Variants in CIAO1 observed in about 807,000 individuals in gnomAD.
CIAO1 encodes the protein cytosolic iron-sulfur assembly component 1, also known as probable cytosolic iron-sulfur protein assembly protein CIAO1.
Under a neutral mutation model 43.1 loss-of-function variants are expected in CIAO1, and 32 were observed. That is an observed-to-expected ratio of 0.74 (90% CI 0.56 to 1.00). The LOEUF (loss-of-function observed/expected upper bound fraction) is 1.00, where lower values mean the gene tolerates loss of function less well. Ranked by LOEUF, CIAO1 falls within the 50% of genes least tolerant of loss-of-function variation. CIAO1 has a pLI of 0.00. For synonymous variants in CIAO1, 183 were observed against 171.4 expected, an observed-to-expected ratio of 1.07 and a Z score of -0.53; for missense variants, 415 against 437.4, an observed-to-expected ratio of 0.95 and a Z score of 0.46.
rs891631677 is a variant in CIAO1, at chr2:96,271,226, C to T, written c.895C>T (p.His299Tyr). ...QPTFSLTAHL[H>Y]QAHSQDVNCV... is the part of the protein sequence containing the mutation. The stretch of plus-strand genomic sequence containing the variant: ...CACCTTCTCCCTGACAGCCCACTTG[C>T]ATCAGGCCCATTCCCAGGATGTCAA... The change falls in exon 7 of 7, where the codon CAT (histidine) becomes TAT (tyrosine). Residue 299 changes from histidine (H) to tyrosine (Y), a missense_variant. Coordinates refer to ENST00000488633, the MANE Select transcript of CIAO1 (RefSeq NM_004804.3). 2 of 1,614,274 alleles carry T rather than the reference C, an allele frequency of 1.2e-6. No homozygotes were observed. The highest frequency in any genetic ancestry group is 2.7e-5 in the African/African-American group (2 of 75,082).
chr2:96,269,073 T>A, intron 5 of CIAO1, 195 bp from the exon 6 acceptor site: 2 of 618,134 alleles, frequency 3.2e-6, no homozygotes, highest in Non-Finnish European at 5.8e-6. Flanking sequence ...AGAACAGGGA[T>A]GTTTCCTCGG....
At chr2:96,270,925 C>T (rs1021749419) in intron 6 of CIAO1, among the ~76,000 whole-genome samples, 186 bp from the exon 7 acceptor site, 1 of 151,488 alleles carries the variant, frequency 6.6e-6, no homozygotes, top group Non-Finnish European at 1.5e-5. Flanking sequence ...GGGGAAAGAA[C>T]TAGATTGCAG....
At chr2:96,268,427 A>C (rs367966046) in intron 4 of CIAO1, 30 bp from the exon 5 acceptor site, 6 of 1,601,524 alleles carry the variant, frequency 3.7e-6, no homozygotes, top group Non-Finnish European at 5.1e-6. Flanking sequence ...ACACAGACAC[A>C]TGTTGGGTTT....
chr2:96,267,134 C>CAA (rs1183454827), intron 1 of CIAO1, among the ~76,000 whole-genome samples, 187 bp from the exon 2 acceptor site: 794 of 36,730 alleles, frequency 0.022, 91 homozygotes, highest in South Asian at 0.05. Flanking sequence ...AACTCCGTCT[C>CAA]AAAAAAAAAA....
chr2:96,268,369 A>G, intron 4 of CIAO1, 88 bp from the exon 5 acceptor site: 2 of 1,097,760 alleles, frequency 1.8e-6, no homozygotes, highest in Non-Finnish European at 1.4e-6. Flanking sequence ...TAATAAAATA[A>G]AATAAAAGCA....
intron 6 of CIAO1, among the ~76,000 whole-genome samples, 161 bp downstream of exon 6, chr2:96,269,516 C>A (rs552609486): frequency 4.1e-4 from 63 of 152,326 alleles, no homozygotes; most frequent in African/African-American, 1.5e-3. Context: ...TGGTTTACAG[C>A]TGGCTGGGCT....
At chr2:96,268,018 C>A in intron 4 of CIAO1, 94 bp downstream of exon 4, 4 of 1,017,936 alleles carry the variant, frequency 3.9e-6, no homozygotes, top group Non-Finnish European at 6.1e-6. Context: ...CTAGCTTTTA[C>A]GGAGAGTTCC....
At chr2:96,267,267 T>C in intron 1 of CIAO1, 54 bp from the exon 2 acceptor site, 3 of 1,545,196 alleles carry the variant, frequency 1.9e-6, no homozygotes, top group Non-Finnish European at 2.6e-6. Context: ...TGATATTGAA[T>C]GGCTTCATGG....
intron 5 of CIAO1, chr2:96,268,937 C>T (rs1247758554): frequency 3.5e-6 from 2 of 566,348 alleles, no homozygotes; most frequent in African/African-American, 3.8e-5. Context: ...AATGCTTAGA[C>T]TGAGGGGTGG....
Position 96,267,351 on chromosome 2 carries a change from C to T in CIAO1, c.170C>T (p.Ser57Phe), listed in dbSNP as rs1466918722. ...GDSWICKSVL[S>F]EGHQRTVRKV... is the part of the protein sequence containing the mutation. ...AGCTGGATCTGCAAGTCTGTCCTTT[C>T]TGAAGGCCACCAGCGCACCGTGCGG... Residue 57 changes from serine to phenylalanine, a missense_variant, in exon 2 of 7, where the codon TCT becomes TTT. Ser to Phe is a radical substitution (Grantham distance 155, BLOSUM62 -2). Transcript: ENST00000488633. 6.2e-7 allele frequency: 1 copy of T among 1,613,730 alleles called. No individual in the cohort carries two copies. The highest frequency in any genetic ancestry group is 8.5e-7 in the Non-Finnish European group (1 of 1,179,786).
intron 6 of CIAO1, among the ~76,000 whole-genome samples, chr2:96,269,849 G>A (rs1205508827): frequency 4.6e-5 from 7 of 152,092 alleles, no homozygotes; most frequent in South Asian, 2.1e-4. Context: ...GTTTCACCGC[G>A]TTAGCCAGGA....
In CIAO1 at chr2:96,273,752, CTT is replaced by C. The variant is rs1573985136; in HGVS notation, c.*2404_*2405del. Among the ~76,000 whole-genome samples the C allele has an allele frequency of 1.3e-5, 2 of 149,534 alleles. No individual in the cohort carries two copies. The highest frequency in any genetic ancestry group is 2.5e-5 in the African/African-American group (1 of 40,706). On this transcript the variant is annotated 3_prime_UTR_variant, in exon 7 of 7. Coordinates refer to ENST00000488633, the MANE Select transcript of CIAO1 (RefSeq NM_004804.3). ...TTAGCTGAAAAGGCTATTTTAAAAACTTTTCCAACTGCGTATCTGTGTGAAGT... is the reference window on the plus strand; with the variant it reads ...TTAGCTGAAAAGGCTATTTTAAAAACTTCCAACTGCGTATCTGTGTGAAGT...
chr2:96,269,459 T>C lies in CIAO1; in HGVS notation c.779+104T>C, dbSNP rs1055431994. Reference sequence around the variant, plus strand: ...GCAACCCTGGGGGAGTGCTTGGGAATTGAGGGCAGCCACCCCCATTCCTTA... The same window carrying C: ...GCAACCCTGGGGGAGTGCTTGGGAACTGAGGGCAGCCACCCCCATTCCTTA... On this transcript the variant is annotated intron_variant, in intron 6 of 6. Transcript: ENST00000488633. 58 of 1,068,762 alleles carry C rather than the reference T, an allele frequency of 5.4e-5. 2 individuals carry two copies. Among genetic ancestry groups the C allele is most frequent in the African/African-American group, 1.6e-5 (1 of 64,336 alleles). The allele number at this position is 1,068,762 out of a possible 1,614,324, so 66.2% of individuals were successfully genotyped here. A position where few individuals can be genotyped will look rare whatever the true frequency, so the allele number is the denominator to read the frequency against.
At chr2:96,270,330 C>A (rs1684523593) in intron 6 of CIAO1, among the ~76,000 whole-genome samples, 1 of 151,746 alleles carries the variant, frequency 6.6e-6, no homozygotes, top group African/African-American at 2.4e-5. Flanking sequence ...CATGGTGAAA[C>A]CCCGTCTCTA....
At position 96,271,134 on chromosome 2, in the gene CIAO1, C is replaced by T. The variant is rs747153083; in HGVS notation, c.803C>T (p.Ala268Val). ...AGGTGTCAGCTGACAGGGGCTCTGG[C>T]CACAGCTTGTGGGGATGACGCGATC... ...IAWCQLTGAL[A>V]TACGDDAIRV... is the part of the protein sequence containing the mutation. Residue 268 changes from alanine to valine, a missense_variant, in exon 7 of 7, where the codon GCC becomes GTC. Physicochemically the swap from Ala to Val is moderately conservative, Grantham distance 64. Transcript: ENST00000488633. 4 of 1,614,102 alleles carry T rather than the reference C, an allele frequency of 2.5e-6. No homozygotes were observed. The African/African-American group carries it at 4.0e-5, about 16-fold the overall frequency.
At chr2:96,268,384 C>G in intron 4 of CIAO1, 73 bp from the exon 5 acceptor site, 1 of 1,235,024 alleles carries the variant, frequency 8.1e-7, no homozygotes, top group South Asian at 1.2e-5. Context: ...AAAGCAGATA[C>G]CTGGAACTGA....
chr2:96,269,484 A>G (rs1169904615), intron 6 of CIAO1, 129 bp downstream of exon 6: 1 of 810,190 alleles, frequency 1.2e-6, no homozygotes, highest in African/African-American at 1.7e-5. Flanking sequence ...CCCATTCCTT[A>G]TCAGGCCTGA....
intron 6 of CIAO1, among the ~76,000 whole-genome samples, chr2:96,270,726 C>T (rs1684532062): frequency 6.7e-6 from 1 of 148,222 alleles, no homozygotes; most frequent in African/African-American, 2.5e-5. Flanking sequence ...AGGAGAATCG[C>T]TTGAACCTGG....
chr2:96,269,308 CTG>C lies in CIAO1; in HGVS notation c.734_735del (p.Cys245TyrfsTer12). 6.2e-7 allele frequency: 1 copy of C among 1,614,156 alleles called. No homozygotes were observed. Among genetic ancestry groups the C allele is most frequent in the South Asian group, 1.1e-5 (1 of 91,086 alleles). On this transcript the variant is annotated frameshift_variant, in exon 6 of 7. Transcript: ENST00000488633. LOFTEE classifies it high-confidence loss of function. ...SGSDPSWKCI[C>X]TLSGFHSRTI... ...GCTCTGACCCCAGTTGGAAATGTATCTGTACTTTGTCCGGCTTCCACTCAAGG... is the reference window on the plus strand; with the variant it reads ...GCTCTGACCCCAGTTGGAAATGTATCTACTTTGTCCGGCTTCCACTCAAGG...
Sources: gnomAD v4.1 joint callset for allele counts (sites outside exome capture counted in the v4.1 genomes callset) on GRCh38, gnomAD v4.1.1 for gene constraint, MANE v1.5 for transcripts, NCBI Gene and HGNC (gene_info 2026-07-23, HGNC 2026-07-21) for gene names.